The following AGBL1 variants were observed in gnomAD, a reference collection of about 807,000 sequenced individuals.
The protein encoded by AGBL1 is cytosolic carboxypeptidase 4.
Under a neutral mutation model 118.9 loss-of-function variants are expected in AGBL1, and 130 were observed. The observed-to-expected ratio is 1.09, with a 90% CI of 0.95 to 1.26. The LOEUF is 1.26. AGBL1 is among the 50% of genes most tolerant of loss of function. The pLI is 0.00. For missense variants in AGBL1, 1,584 were observed against 1,298.1 expected (o/e 1.22, Z -3.38); for synonymous variants, 555 against 478.9 (o/e 1.16, Z -2.08).
chr15:86,340,649 A>T (rs2080447351), intron 17 of AGBL1, among the ~76,000 whole-genome samples: 1 of 152,160 alleles, frequency 6.6e-6, no homozygotes. Flanking sequence ...GTGACTGAAT[A>T]ACTTAATGTT....
chr15:86,694,195 A>G (rs2086217961), intron 22 of AGBL1, among the ~76,000 whole-genome samples: 2 of 151,822 alleles, frequency 1.3e-5, no homozygotes, highest in Admixed American at 6.6e-5. Context: ...CAATATGATC[A>G]TTTTCACAAT....
intron 22 of AGBL1, among the ~76,000 whole-genome samples, chr15:86,797,713 G>C (rs1023609531): frequency 2.6e-5 from 4 of 152,150 alleles, no homozygotes; most frequent in African/African-American, 9.7e-5. Flanking sequence ...CAAGTTAAGA[G>C]TTTTGTAACA....
At chr15:86,324,852 A>G (rs2080162279) in intron 17 of AGBL1, among the ~76,000 whole-genome samples, 1 of 152,146 alleles carries the variant, frequency 6.6e-6, no homozygotes, top group African/African-American at 2.4e-5. Context: ...AGTTTGGGGA[A>G]GAGGGTTAGA....
At chr15:86,488,529 T>A (rs2082738883) in intron 18 of AGBL1, among the ~76,000 whole-genome samples, 2 of 151,882 alleles carry the variant, frequency 1.3e-5, no homozygotes, top group Admixed American at 1.3e-4. Context: ...TAAGATAAAA[T>A]CTATGGGGTC....
At chr15:86,966,486 C>G (rs549893449) in intron 23 of AGBL1, among the ~76,000 whole-genome samples, 1 of 152,018 alleles carries the variant, frequency 6.6e-6, no homozygotes, top group Non-Finnish European at 1.5e-5. Context: ...TCCCACCACC[C>G]CACCACAGGC....
At chr15:86,721,859 A>G (rs941810544) in intron 22 of AGBL1, among the ~76,000 whole-genome samples, 41 of 152,364 alleles carry the variant, frequency 2.7e-4, no homozygotes, top group African/African-American at 9.9e-4. Flanking sequence ...TTATACACCG[A>G]TAACAGATCA....
At chr15:87,026,284 C>T (rs900744960) in intron 24 of AGBL1, among the ~76,000 whole-genome samples, 7 of 151,964 alleles carry the variant, frequency 4.6e-5, no homozygotes, top group Non-Finnish European at 8.8e-5. Flanking sequence ...CCAGAATCTA[C>T]AATGAACTCA....
chr15:86,123,469 A>G (rs567088965), intron 1 of AGBL1, among the ~76,000 whole-genome samples: 1 of 152,236 alleles, frequency 6.6e-6, no homozygotes, highest in South Asian at 2.1e-4. Flanking sequence ...TGAACTCCTG[A>G]CCTGAGGTGA....
At chr15:87,011,616 A>G (rs1359889388) in intron 24 of AGBL1, among the ~76,000 whole-genome samples, 1 of 152,178 alleles carries the variant, frequency 6.6e-6, no homozygotes, top group Non-Finnish European at 1.5e-5. Context: ...CATTATAGGA[A>G]AAAGGGATCT....
At chr15:86,151,227 C>G (rs545756827) in intron 3 of AGBL1, among the ~76,000 whole-genome samples, 1 of 151,218 alleles carries the variant, frequency 6.6e-6, no homozygotes, top group South Asian at 2.1e-4. Context: ...GTGCAGCGCA[C>G]CAGCATGGCA....
chr15:86,513,066 T>C (rs1391212709), intron 18 of AGBL1, among the ~76,000 whole-genome samples: 1 of 151,980 alleles, frequency 6.6e-6, no homozygotes, highest in East Asian at 1.9e-4. Context: ...GCTAACATTT[T>C]ACATATCTGT....
chr15:86,091,195 T>G (rs141814248), intron 1 of AGBL1, among the ~76,000 whole-genome samples: 2 of 152,286 alleles, frequency 1.3e-5, no homozygotes, highest in African/African-American at 4.8e-5. Flanking sequence ...TTTCTTGTTA[T>G]TGTTCATATG....
At chr15:86,405,991 T>A (rs1229233911) in intron 18 of AGBL1, among the ~76,000 whole-genome samples, 8 of 152,192 alleles carry the variant, frequency 5.3e-5, no homozygotes, top group African/African-American at 1.9e-4. Context: ...GGCTAGGGCT[T>A]CAGTGCACAG....
chr15:86,730,347 A>T lies in AGBL1; in HGVS notation c.3158+55911A>T, dbSNP rs189618406. Among the ~76,000 whole-genome samples the T allele has an allele frequency of 1.6e-3, 243 of 152,328 alleles. 3 individuals carry two copies. The highest frequency in any genetic ancestry group is 5.5e-3 in the African/African-American group (229 of 41,578). ...ACAGAATGGGAGAAAATATTTGCAA[A>T]CCATACAACCAACAAAGATCTAATA... On this transcript the variant is annotated intron_variant, in intron 22 of 22. Coordinates refer to ENST00000614907, the MANE Select transcript of AGBL1 (RefSeq NM_001386094.1).
chr15:86,481,417 A>G (rs960038159), intron 18 of AGBL1, among the ~76,000 whole-genome samples: 2 of 152,094 alleles, frequency 1.3e-5, no homozygotes, highest in Non-Finnish European at 2.9e-5. Context: ...CCTGTATTGA[A>G]TATGTGACCT....
chr15:86,317,928 G>A (rs2080041965), intron 17 of AGBL1, among the ~76,000 whole-genome samples: 1 of 152,162 alleles, frequency 6.6e-6, no homozygotes, highest in Non-Finnish European at 1.5e-5. Flanking sequence ...ATAGTTGTAT[G>A]GACACCAGAT....
chr15:86,664,475 A>G (rs1431474606), intron 21 of AGBL1, among the ~76,000 whole-genome samples: 1 of 152,214 alleles, frequency 6.6e-6, no homozygotes, highest in African/African-American at 2.4e-5. Context: ...AAACCTGTTT[A>G]AAACTCCAAA....
At chr15:86,753,349 C>T (rs996576186) in intron 22 of AGBL1, among the ~76,000 whole-genome samples, 2 of 150,820 alleles carry the variant, frequency 1.3e-5, no homozygotes, top group African/African-American at 2.4e-5. Context: ...TAGGGACACA[C>T]AAGAGTAACC....
At chr15:86,532,363 G>A (rs1278186483) in intron 19 of AGBL1, among the ~76,000 whole-genome samples, 1 of 150,094 alleles carries the variant, frequency 6.7e-6, no homozygotes, top group Non-Finnish European at 1.5e-5. Flanking sequence ...ATTCACAATT[G>A]CTTCAAAGAG....
Sources: allele counts gnomAD v4.1 joint callset (sites outside exome capture counted in the v4.1 genomes callset), GRCh38; gene constraint gnomAD v4.1.1; transcripts MANE v1.5; gene names NCBI Gene and HGNC (gene_info 2026-07-23, HGNC 2026-07-21).